Variants in DNAH10 observed in about 807,000 individuals in gnomAD.
DNAH10 encodes dynein axonemal heavy chain 10.
DNAH10 carries 348 observed loss-of-function variants against 506.6 expected under a neutral mutation model. The observed-to-expected ratio is 0.69, with a 90% CI of 0.63 to 0.75. DNAH10 has a LOEUF of 0.75. Among genes scored for constraint, DNAH10 ranks in the 30% least tolerant of loss-of-function variants. DNAH10 has a pLI of 0.00. For missense variants in DNAH10, 5,179 were observed against 5,787.1 expected (o/e 0.89, Z 3.41); for synonymous variants, 2,059 against 2,198.6 (o/e 0.94, Z 1.78).
chr12:123,909,325 T>C lies in DNAH10; in HGVS notation c.9880T>C (p.Tyr3294His). The change falls in exon 58 of 79, where the codon TAC (tyrosine) becomes CAC (histidine). Residue 3294 changes from tyrosine (Y) to histidine (H), a missense_variant. This residue lies in a region of DNAH10 where 4,844 missense variants were observed against 5,430.5 expected (regional missense o/e 0.89). Coordinates refer to ENST00000673944, the MANE Select transcript of DNAH10 (RefSeq NM_001372106.1). The surrounding 1 kb of genome is among the most constrained non-coding windows in gnomAD (Gnocchi z 5.4). ...CGAATGCATCCTCATCATGAAAGGG[T>C]ACAAAGAGCTGAACTGGAAAACAGC... is the stretch of plus-strand genomic sequence containing the variant. ...VCECILIMKG[Y>H]KELNWKTAKG... The C allele has an allele frequency of 6.2e-7, 1 of 1,613,238 alleles. No homozygotes were observed. Among genetic ancestry groups the C allele is most frequent in the South Asian group, 1.1e-5 (1 of 90,836 alleles).
chr12:123,865,575 C>G (rs1418451919), intron 40 of DNAH10, among the ~76,000 whole-genome samples: 1 of 151,830 alleles, frequency 6.6e-6, no homozygotes, highest in Admixed American at 6.6e-5. Context: ...TGCCTGATCT[C>G]AACTATGTTA....
intron 46 of DNAH10, 27 bp downstream of exon 46, chr12:123,873,737 G>T: frequency 6.3e-7 from 1 of 1,587,374 alleles, no homozygotes; most frequent in East Asian, 2.3e-5. Flanking sequence ...GCAGGTGGAG[G>T]GATGGGTCAA....
rs780130940 is a variant in DNAH10 at position 123,910,561 on chromosome 12, A to G, written c.10023A>G (p.Thr3341=). The G allele has an allele frequency of 1.2e-6, 2 of 1,613,736 alleles. No homozygotes were observed. The highest frequency in any genetic ancestry group is 2.2e-5 in the East Asian group (1 of 44,886). Residue 3341 remains threonine (T), a synonymous_variant, in exon 59 of 79, where the codon ACA becomes ACG. Coordinates refer to ENST00000673944, the MANE Select transcript of DNAH10 (RefSeq NM_001372106.1). ...GCCTCTTGAAGACTCTTAATACCAC[A>G]ACTGAAGAAATGGAAGCTGTCAGCA... ...IKGLLKTLNT[T]TEEMEAVSKA...
In DNAH10 at chr12:123,931,757, C is replaced by T. The variant is rs1309006378; in HGVS notation, c.13038C>T (p.Leu4346=). Residue 4346 remains leucine, a synonymous_variant, in exon 75 of 79, where the codon CTC becomes CTT. Transcript: ENST00000673944. ...TGAGGAAGCGCCTCGGAACAGGACT[C>T]TCCCCCACTTCGGTGGTGCTCCTGC... ...DQVRKRLGTG[L]SPTSVVLLQE... 1.9e-6 allele frequency: 3 copies of T among 1,614,056 alleles called. No homozygotes were observed. Among genetic ancestry groups the T allele is most frequent in the Non-Finnish European group, 2.5e-6 (3 of 1,179,902 alleles).
intron 57 of DNAH10, among the ~76,000 whole-genome samples, chr12:123,906,772 G>A (rs1483901424): frequency 6.6e-6 from 1 of 152,166 alleles, no homozygotes; most frequent in East Asian, 1.9e-4. Flanking sequence ...TGGATGTTAA[G>A]CGCAATGAGC....
intron 17 of DNAH10, 73 bp downstream of exon 17, chr12:123,803,898 ATATG>A: frequency 1.4e-6 from 2 of 1,389,826 alleles, no homozygotes; most frequent in African/African-American, 1.5e-5. Context: ...ACATGTGTAT[ATATG>A]TACCTATAAA....
At chr12:123,843,257 G>A (rs1425140539) in intron 30 of DNAH10, among the ~76,000 whole-genome samples, 1 of 152,184 alleles carries the variant, frequency 6.6e-6, no homozygotes, top group East Asian at 1.9e-4. Flanking sequence ...GAGCTGATAG[G>A]TGTGGCATCA....
At chr12:123,914,303 G>A (rs1232921409) in intron 60 of DNAH10, 26 bp from the exon 61 acceptor site, 1 of 1,585,996 alleles carries the variant, frequency 6.3e-7, no homozygotes, top group African/African-American at 1.4e-5. Context: ...TAAACTCACG[G>A]CAGCCTCCCT....
At chr12:123,795,129 C>T (rs1268515474) in intron 12 of DNAH10, among the ~76,000 whole-genome samples, 1 of 117,982 alleles carries the variant, frequency 8.5e-6, no homozygotes, top group African/African-American at 3.5e-5. Flanking sequence ...GCCTGGGCGA[C>T]GAGTGAAACT....
At chr12:123,855,653 T>A (rs957364359) in intron 36 of DNAH10, among the ~76,000 whole-genome samples, 65 of 133,720 alleles carry the variant, frequency 4.9e-4, no homozygotes, top group East Asian at 1.3e-3. Context: ...AAAAAAATAA[T>A]AATAAAAAGT....
rs183746016 is a variant in DNAH10, at chr12:123,924,922, G to C, written c.11767-128G>C. 1.4e-3 allele frequency: 1,670 copies of C among 1,212,096 alleles called. 4 individuals carry two copies. The highest frequency in any genetic ancestry group is 1.8e-3 in the Non-Finnish European group (1,613 of 874,544). 75.1% of individuals were successfully genotyped at this position (1,212,096 alleles called of 1,614,324 possible). A position where few individuals can be genotyped will look rare whatever the true frequency, so the allele number is the denominator to read the frequency against. ...GGGTAGAGAATGACAGATCTGACCA[G>C]GTGGCCTTCAGTTAGTACACCTATG... On this transcript the variant is annotated intron_variant, in intron 67 of 78. Transcript: ENST00000673944.
chr12:123,820,856 T>A (rs1220165205), intron 24 of DNAH10, 98 bp downstream of exon 24: 23 of 1,383,034 alleles, frequency 1.7e-5, no homozygotes, highest in Non-Finnish European at 2.3e-5. Context: ...AATAATGAGC[T>A]TGGGTCTGAC....
chr12:123,839,513 T>A (rs757805599), intron 29 of DNAH10, among the ~76,000 whole-genome samples: 7 of 152,196 alleles, frequency 4.6e-5, no homozygotes, highest in Admixed American at 2.6e-4. Context: ...TACCTTTCAA[T>A]GTTGGCTAAA....
chr12:123,767,619 C>A lies in DNAH10; in HGVS notation c.228C>A (p.Val76=). The change falls in exon 2 of 79, where the codon GTC becomes GTA. Residue 76 remains valine (V), a synonymous_variant. Transcript: ENST00000673944. ...EVEVEIDEIP[V]LSEEGEEEEE... is the part of the protein sequence containing the mutation. ...GTGGCCATAAAGATGAGATACCTGT[C>A]CTGTCTGAAGAGGGAGAAGAGGAAG... The A allele has an allele frequency of 6.2e-7, 1 of 1,612,474 alleles. No individual in the cohort carries two copies. The highest frequency in any genetic ancestry group is 1.1e-5 in the South Asian group (1 of 90,668).
chr12:123,808,452 A>G (rs1379104504), intron 18 of DNAH10, among the ~76,000 whole-genome samples: 1 of 152,154 alleles, frequency 6.6e-6, no homozygotes, highest in African/African-American at 2.4e-5. Flanking sequence ...TGTCACATCT[A>G]CTTTCATCCT....
intron 18 of DNAH10, among the ~76,000 whole-genome samples, chr12:123,807,897 A>G (rs1958754288): frequency 1.0e-5 from 1 of 96,002 alleles, no homozygotes; most frequent in Non-Finnish European, 2.1e-5. Flanking sequence ...AGAGAGGTGA[A>G]GAGAGAGGGG....
At chr12:123,896,385 G>A (rs1052449253) in intron 54 of DNAH10, among the ~76,000 whole-genome samples, 18 of 152,150 alleles carry the variant, frequency 1.2e-4, no homozygotes, top group African/African-American at 4.3e-4. Flanking sequence ...ATTTTAATAT[G>A]AGACATTCTC....
rs1180696455 is a variant in DNAH10, at chr12:123,933,194, G to A, written c.13297-137G>A. 2.0e-5 allele frequency: 14 copies of A among 704,016 alleles called. No individual in the cohort carries two copies. The East Asian group carries it at 2.3e-4, about 12-fold the overall frequency. The allele number at this position is 704,016 out of a possible 1,614,324, so 43.6% of individuals were successfully genotyped here. A position where few individuals can be genotyped will look rare whatever the true frequency, so the allele number is the denominator to read the frequency against. On this transcript the variant is annotated intron_variant, in intron 76 of 78. Coordinates refer to ENST00000673944, the MANE Select transcript of DNAH10 (RefSeq NM_001372106.1). ...TCCAGATTGTTTTTCTCAGACAGGC[G>A]GCCAGTTGTGCCAACGCCATCTTTT...
rs770300655 is a variant in DNAH10, at chr12:123,918,936, C to T, written c.11493C>T (p.Asn3831=). ...ACACGCTGACCTTCAGCATCTATAA[C>T]CACGGCTGCACAGGTGAGCTCTCCC... is the stretch of plus-strand genomic sequence containing the variant. ...IMDTLTFSIY[N]HGCTGLFERH... The change falls in exon 65 of 79, where the codon AAC becomes AAT. Residue 3831 remains asparagine, a synonymous_variant. Coordinates refer to ENST00000673944, the MANE Select transcript of DNAH10 (RefSeq NM_001372106.1). 8.1e-6 allele frequency: 13 copies of T among 1,611,900 alleles called. No individual in the cohort carries two copies. Among genetic ancestry groups the T allele is most frequent in the Admixed American group, 1.7e-5 (1 of 59,930 alleles).
Sources: gnomAD v4.1 joint callset for allele counts (sites outside exome capture counted in the v4.1 genomes callset) on GRCh38, gnomAD v4.1.1 for gene constraint, gnomAD v4.1.1 regional missense constraint, Gnocchi (gnomAD v3.1) non-coding constraint, MANE v1.5 for transcripts, NCBI Gene and HGNC (gene_info 2026-07-23, HGNC 2026-07-21) for gene names.